Variants in ASCC2 observed in about 807,000 individuals in gnomAD.
ASCC2 encodes the protein ASC-1 complex subunit P100.
In ASCC2, 42 loss-of-function variants were observed where a neutral mutation model predicts 93.5. That is an observed-to-expected ratio of 0.45 (90% CI 0.35 to 0.58). The LOEUF (loss-of-function observed/expected upper bound fraction) is 0.58. Ranked by LOEUF, ASCC2 falls within the 20% of genes least tolerant of loss-of-function variation. The probability of loss-of-function intolerance (pLI) is 0.00; values close to 1 mark genes in which losing one functional copy is unlikely to be tolerated. For synonymous variants in ASCC2, 364 were observed against 384.2 expected (o/e 0.95, Z 0.62); for missense variants, 859 against 977.6 (o/e 0.88, Z 1.62).
chr22:29,820,913 CA>C (rs376815823), intron 5 of ASCC2, among the ~76,000 whole-genome samples: 778 of 69,262 alleles, frequency 0.011, 21 homozygotes, highest in African/African-American at 0.02. Flanking sequence ...TCTCAATACA[CA>C]AAAAAAAAAA....
At position 29,806,523 on chromosome 22, in the gene ASCC2, C is replaced by A; in HGVS notation, c.1047G>T (p.Glu349Asp). The A allele has an allele frequency of 6.2e-7, 1 of 1,613,940 alleles. No individual in the cohort carries two copies. The highest frequency in any genetic ancestry group is 8.5e-7 in the Non-Finnish European group (1 of 1,179,920). ...SCDNIQGFIE[E>D]FLQIFSSLLQ... Reference sequence around the variant, plus strand: ...GCAAGGAGCTGAAGATCTGAAGGAACTCTTCGATGAAGCCCTGAATGTTGT... The same window carrying A: ...GCAAGGAGCTGAAGATCTGAAGGAAATCTTCGATGAAGCCCTGAATGTTGT... The change falls in exon 11 of 20, where the codon GAG becomes GAT. Residue 349 changes from glutamate to aspartate, a missense_variant. Physicochemically the swap from Glu to Asp is conservative, Grantham distance 45. Coordinates refer to ENST00000307790, the MANE Select transcript of ASCC2 (RefSeq NM_032204.5).
At chr22:29,801,234 G>A in intron 14 of ASCC2, 124 bp from the exon 15 acceptor site, 1 of 1,280,592 alleles carries the variant, frequency 7.8e-7, no homozygotes, top group Admixed American at 2.4e-5. Context: ...GCACTCCTAG[G>A]ACACAATCTC....
At chr22:29,810,489 G>A (rs932096702) in intron 8 of ASCC2, among the ~76,000 whole-genome samples, 1 of 152,160 alleles carries the variant, frequency 6.6e-6, no homozygotes, top group African/African-American at 2.4e-5. Flanking sequence ...GGCCCTACTA[G>A]GCCCACAGGA....
rs763435583 is a variant in ASCC2 at position 29,793,592 on chromosome 22, G to T, written c.1773C>A (p.Ser591Arg). The change falls in exon 16 of 20, where the codon AGC (serine) becomes AGA (arginine). Residue 591 changes from serine (S) to arginine (R), a missense_variant. Physicochemically the swap from Ser to Arg is moderately radical, Grantham distance 110. Transcript: ENST00000307790. ...AAQRQRYEQY[S>R]VVVEEVPLQP... ...GGTGGCCTACCTCCTCCACCACCACGCTGTACTGCTCGTAGCGCTGCCGCT... is the reference window on the plus strand; with the variant it reads ...GGTGGCCTACCTCCTCCACCACCACTCTGTACTGCTCGTAGCGCTGCCGCT... 6.2e-7 allele frequency: 1 copy of T among 1,611,964 alleles called. No individual in the cohort carries two copies. The highest frequency in any genetic ancestry group is 2.2e-5 in the East Asian group (1 of 44,792).
Position 29,825,308 on chromosome 22 carries a change from G to A in ASCC2, c.241-51C>T. On this transcript the variant is annotated intron_variant, in intron 3 of 19. Transcript: ENST00000307790. This position sits in a 1 kb window ranked among gnomAD's most constrained non-coding sequence, Gnocchi z 4.9. ...AGGATTTATCCCTTAGGCCCCAGGG[G>A]CTTGTGGGTGGACTGTGCAGGGACT... The A allele has an allele frequency of 6.7e-7, 1 of 1,497,502 alleles. No individual in the cohort carries two copies. The highest frequency in any genetic ancestry group is 8.9e-7 in the Non-Finnish European group (1 of 1,119,926). 92.8% of individuals were successfully genotyped at this position (1,497,502 alleles called of 1,614,324 possible). A position where few individuals can be genotyped will look rare whatever the true frequency, so the allele number is the denominator to read the frequency against.
intron 7 of ASCC2, among the ~76,000 whole-genome samples, chr22:29,813,779 A>G (rs901314376): frequency 2.6e-5 from 4 of 152,134 alleles, no homozygotes; most frequent in Non-Finnish European, 5.9e-5. Context: ...CTTACACCCA[A>G]TCACCGCTAG....
intron 2 of ASCC2, among the ~76,000 whole-genome samples, chr22:29,829,599 T>C (rs747099208): frequency 5.3e-5 from 8 of 151,726 alleles, no homozygotes; most frequent in Non-Finnish European, 7.4e-5. Flanking sequence ...CTCAGGAGGC[T>C]GATGCAGAAG....
Position 29,788,969 on chromosome 22 carries a change from G to T in ASCC2, c.*44C>A. ...CCCCAGGCGATGGGAGCACGGCCTG[G>T]TGAGTCTGGTGCCGCTGCCTCCCCA... On this transcript the variant is annotated 3_prime_UTR_variant, in exon 20 of 20. Coordinates refer to ENST00000307790, the MANE Select transcript of ASCC2 (RefSeq NM_032204.5). 6.2e-7 allele frequency: 1 copy of T among 1,612,328 alleles called. No individual in the cohort carries two copies. The highest frequency in any genetic ancestry group is 8.5e-7 in the Non-Finnish European group (1 of 1,178,566).
chr22:29,802,050 A>T lies in ASCC2; in HGVS notation c.1512T>A (p.Asn504Lys). ...TGGGGGCCAGCCGCTCCTCCAGGAT[A>T]TTGTTGATCACCTGCTCTGGGTCGT... is the stretch of plus-strand genomic sequence containing the variant. ...YHYDPEQVIN[N>K]ILEERLAPTL... The change falls in exon 14 of 20, where the codon AAT becomes AAA. Residue 504 changes from asparagine (N) to lysine (K), a missense_variant. Coordinates refer to ENST00000307790, the MANE Select transcript of ASCC2 (RefSeq NM_032204.5). The T allele has an allele frequency of 6.2e-7, 1 of 1,613,562 alleles. No homozygotes were observed. The highest frequency in any genetic ancestry group is 1.6e-4 in the Middle Eastern group (1 of 6,062).
Position 29,805,549 on chromosome 22 carries a change from G to A in ASCC2, c.1160+667C>T, listed in dbSNP as rs570998145. Among the ~76,000 whole-genome samples, 25 of 152,200 alleles carry A rather than the reference G, an allele frequency of 1.6e-4. No individual in the cohort carries two copies. In the South Asian group the frequency reaches 4.6e-3, roughly 28 times the overall value. On this transcript the variant is annotated intron_variant, in intron 12 of 19. Coordinates refer to ENST00000307790, the MANE Select transcript of ASCC2 (RefSeq NM_032204.5). ...TTCACAACCTTCCGCGCTCCCCAGCGCTTGCAGGACAGAGCCCAAACTTCT... is the reference window on the plus strand; with the variant it reads ...TTCACAACCTTCCGCGCTCCCCAGCACTTGCAGGACAGAGCCCAAACTTCT...
chr22:29,824,976 G>A (rs1055706380), intron 4 of ASCC2, 111 bp downstream of exon 4: 2 of 1,049,392 alleles, frequency 1.9e-6, no homozygotes, highest in Non-Finnish European at 2.6e-6. Context: ...AGATGGAAGA[G>A]AGACAAAGAG....
At chr22:29,808,083 A>C (rs1364309493) in intron 9 of ASCC2, 28 bp downstream of exon 9, 1 of 1,613,038 alleles carries the variant, frequency 6.2e-7, no homozygotes, top group South Asian at 1.1e-5. Flanking sequence ...GTCCCACAAC[A>C]ACATTCTTAA....
chr22:29,818,777 A>G (rs1027524374), intron 5 of ASCC2, among the ~76,000 whole-genome samples: 6 of 151,946 alleles, frequency 3.9e-5, no homozygotes, highest in Admixed American at 3.9e-4. Context: ...CTTACACCCA[A>G]TAGGTCCCAT....
At chr22:29,809,239 T>A (rs903500458) in intron 8 of ASCC2, among the ~76,000 whole-genome samples, 6 of 136,374 alleles carry the variant, frequency 4.4e-5, no homozygotes, top group African/African-American at 1.5e-4. Flanking sequence ...GAGAAAAAAA[T>A]ATATTAAAAT....
chr22:29,794,833 A>C (rs1397698057), intron 15 of ASCC2, among the ~76,000 whole-genome samples: 2 of 152,262 alleles, frequency 1.3e-5, no homozygotes, highest in African/African-American at 4.8e-5. Flanking sequence ...CCCAAAAGCA[A>C]ACTACGCTAA....
intron 8 of ASCC2, among the ~76,000 whole-genome samples, chr22:29,811,340 GAAT>G (rs1273527109): frequency 2.6e-5 from 4 of 152,190 alleles, no homozygotes; most frequent in Non-Finnish European, 5.9e-5. Context: ...GGCTGTATGT[GAAT>G]AATAGAACTG....
At chr22:29,821,372 G>A (rs1028198452) in intron 5 of ASCC2, among the ~76,000 whole-genome samples, 1 of 152,332 alleles carries the variant, frequency 6.6e-6, no homozygotes, top group African/African-American at 2.4e-5. Flanking sequence ...CATCCCTGAA[G>A]CAGGGAGTTG....
At chr22:29,812,482 T>C (rs978075264) in intron 8 of ASCC2, among the ~76,000 whole-genome samples, 12 of 152,222 alleles carry the variant, frequency 7.9e-5, no homozygotes, top group Non-Finnish European at 1.5e-4. Flanking sequence ...CACCAGGATC[T>C]TTCTAACAGC....
Position 29,825,436 on chromosome 22 carries a change from T to C in ASCC2, c.241-179A>G. The C allele has an allele frequency of 2.7e-6, 3 of 1,131,968 alleles. No homozygotes were observed. Among genetic ancestry groups the C allele is most frequent in the South Asian group, 3.1e-5 (2 of 63,890 alleles). 70.1% of individuals were successfully genotyped at this position (1,131,968 alleles called of 1,614,324 possible). A position where few individuals can be genotyped will look rare whatever the true frequency, so the allele number is the denominator to read the frequency against. On this transcript the variant is annotated intron_variant, in intron 3 of 19. Transcript: ENST00000307790. The surrounding 1 kb of genome is among the most constrained non-coding windows in gnomAD (Gnocchi z 4.9). ...AACACAAGATTCTAAAATTGACACT[T>C]TGAAAGGTGTGTAAACATTAAGATT... is the stretch of plus-strand genomic sequence containing the variant.
Sources: allele counts gnomAD v4.1 joint callset (sites outside exome capture counted in the v4.1 genomes callset), GRCh38; gene constraint gnomAD v4.1.1; non-coding constraint Gnocchi (gnomAD v3.1); transcripts MANE v1.5; gene names NCBI Gene and HGNC (gene_info 2026-07-23, HGNC 2026-07-21).